Variants in OR5K1 observed in about 807,000 individuals in gnomAD.
OR5K1 encodes olfactory receptor 5K1.
Under a neutral mutation model 10.4 loss-of-function variants are expected in OR5K1, and 7 were observed. The observed-to-expected ratio is 0.67, with a 90% CI of 0.38 to 1.26. The LOEUF is 1.26. Ranked by LOEUF, OR5K1 falls within the 50% of genes most tolerant of loss-of-function variation. The probability of loss-of-function intolerance (pLI) is 0.02; values close to 1 mark genes in which losing one functional copy is unlikely to be tolerated. For synonymous variants in OR5K1, 135 were observed against 128.5 expected (o/e 1.05, Z -0.34); for missense variants, 435 against 366.2 (o/e 1.19, Z -1.53).
At chr3:98,464,583 G>A (rs1347005881) in intron 1 of OR5K1, among the ~76,000 whole-genome samples, 1 of 152,142 alleles carries the variant, frequency 6.6e-6, no homozygotes, top group Non-Finnish European at 1.5e-5. Context: ...AATGCTCCCC[G>A]ATAGGTAAGA....
chr3:98,470,018 G>T lies in OR5K1; in HGVS notation c.442G>T (p.Ala148Ser). 1 of 1,613,650 alleles carries T rather than the reference G, an allele frequency of 6.2e-7. No homozygotes were observed. The highest frequency in any genetic ancestry group is 8.5e-7 in the Non-Finnish European group (1 of 1,179,770). Residue 148 changes from alanine to serine, a missense_variant, in exon 2 of 2, where the codon GCC (alanine) becomes TCC (serine). By Grantham distance (99) the Ala-to-Ser change is moderately conservative. Transcript: ENST00000642057. Reference sequence around the variant, plus strand: ...ACTCTGCATTCAGATGACCACAGGGGCCTTCATAGCTGGAAACCTGCATTC... The same window carrying T: ...ACTCTGCATTCAGATGACCACAGGGTCCTTCATAGCTGGAAACCTGCATTC... ...KKLCIQMTTG[A>S]FIAGNLHSMI...
chr3:98,469,323 A>T (rs1277494767), intron 1 of OR5K1, among the ~76,000 whole-genome samples: 1 of 152,094 alleles, frequency 6.6e-6, no homozygotes, highest in African/African-American at 2.4e-5. Flanking sequence ...AAAAACTACT[A>T]TTAGGTACTA....
rs1705421686 is a variant in OR5K1, at chr3:98,469,908, A to G, written c.332A>G (p.Asp111Gly). Residue 111 changes from aspartate to glycine, a missense_variant, in exon 2 of 2, where the codon GAC (aspartate) becomes GGC (glycine). Coordinates refer to ENST00000642057, the MANE Select transcript of OR5K1 (RefSeq NM_001004736.4). The part of the protein sequence containing the change: ...FYFLCTVETA[D>G]CFLLAAMAYD... ...TTTCTTTGCACTGTGGAAACTGCAGACTGCTTTCTTCTGGCAGCAATGGCC... is the reference window on the plus strand; with the variant it reads ...TTTCTTTGCACTGTGGAAACTGCAGGCTGCTTTCTTCTGGCAGCAATGGCC... 6.2e-7 allele frequency: 1 copy of G among 1,613,632 alleles called. No homozygotes were observed. The highest frequency in any genetic ancestry group is 1.3e-5 in the African/African-American group (1 of 74,890).
At chr3:98,465,740 T>G (rs9855693) in intron 1 of OR5K1, among the ~76,000 whole-genome samples, 3 of 151,746 alleles carry the variant, frequency 2.0e-5, no homozygotes, top group African/African-American at 7.2e-5. Context: ...TTTTCTGTTC[T>G]GCCATTGACC....
Position 98,470,337 on chromosome 3 carries a change from C to G in OR5K1, c.761C>G (p.Ser254Cys). The change falls in exon 2 of 2, where the codon TCT (serine) becomes TGT (cysteine). Residue 254 changes from serine to cysteine, a missense_variant. Ser to Cys is a moderately radical substitution (Grantham distance 112). Coordinates refer to ENST00000642057, the MANE Select transcript of OR5K1 (RefSeq NM_001004736.4). ...HFLSVSLFYG[S>C]LFFMYVRPNL... ...TTGTCAGTTTCATTATTCTATGGAT[C>G]TCTTTTCTTCATGTACGTTAGACCA... 6.2e-7 allele frequency: 1 copy of G among 1,613,282 alleles called. No individual in the cohort carries two copies. The highest frequency in any genetic ancestry group is 1.1e-5 in the South Asian group (1 of 91,048).
chr3:98,469,745 A>C lies in OR5K1; in HGVS notation c.169A>C (p.Thr57Pro), dbSNP rs755481151. 2.0e-5 allele frequency: 33 copies of C among 1,613,680 alleles called. No individual in the cohort carries two copies. The highest frequency in any genetic ancestry group is 4.0e-5 in the African/African-American group (3 of 74,898). ...ALIFTHRRLH[T>P]PMYIFLGNLA... ...GATATTTACACACCGTCGGCTTCAC[A>C]CACCAATGTACATCTTTCTGGGAAA... Residue 57 changes from threonine (T) to proline (P), a missense_variant, in exon 2 of 2, where the codon ACA becomes CCA. Thr to Pro is a conservative substitution (Grantham distance 38). Transcript: ENST00000642057.
At chr3:98,464,404 A>G (rs1349027198) in intron 1 of OR5K1, among the ~76,000 whole-genome samples, 1 of 152,228 alleles carries the variant, frequency 6.6e-6, no homozygotes, top group East Asian at 1.9e-4. Context: ...ACTTCGGAGT[A>G]TAGTTGTGGT....
chr3:98,470,247 C>A lies in OR5K1; in HGVS notation c.671C>A (p.Thr224Asn). 3.7e-6 allele frequency: 6 copies of A among 1,613,196 alleles called. No homozygotes were observed. The highest frequency in any genetic ancestry group is 4.2e-6 in the Non-Finnish European group (5 of 1,179,486). Residue 224 changes from threonine (T) to asparagine (N), a missense_variant, in exon 2 of 2, where the codon ACT (threonine) becomes AAT (asparagine). Coordinates refer to ENST00000642057, the MANE Select transcript of OR5K1 (RefSeq NM_001004736.4). ...ATATCTTATCTCTATATTCTTCTTA[C>A]TATTTTCAAAATGAAATCCAAAGAG... ...VLISYLYILLTIFKMKSKEGR... is the reference protein window; with the variant it reads ...VLISYLYILLNIFKMKSKEGR...
chr3:98,465,250 T>C (rs985931278), intron 1 of OR5K1, among the ~76,000 whole-genome samples: 1 of 152,196 alleles, frequency 6.6e-6, no homozygotes, highest in African/African-American at 2.4e-5. Context: ...TATTTTGTTT[T>C]TTACATAACG....
chr3:98,469,537 T>G (rs867046916), intron 1 of OR5K1, 29 bp from the exon 2 acceptor site: 1 of 1,574,622 alleles, frequency 6.4e-7, no homozygotes, highest in Non-Finnish European at 8.6e-7. Flanking sequence ...TATAAATTAG[T>G]GCCTTCTTTC....
At position 98,469,781 on chromosome 3, in the gene OR5K1, G is replaced by A. The variant is rs369639528; in HGVS notation, c.205G>A (p.Val69Met). The A allele has an allele frequency of 6.2e-7, 1 of 1,613,740 alleles. No homozygotes were observed. Among genetic ancestry groups the A allele is most frequent in the Non-Finnish European group, 8.5e-7 (1 of 1,179,776 alleles). ...CATCTTTCTGGGAAATCTGGCTCTTGTGGATTCTTGCTGTGCCTGTGCTAT... is the reference window on the plus strand; with the variant it reads ...CATCTTTCTGGGAAATCTGGCTCTTATGGATTCTTGCTGTGCCTGTGCTAT... ...MYIFLGNLAL[V>M]DSCCACAITP... Residue 69 changes from valine to methionine, a missense_variant, in exon 2 of 2, where the codon GTG becomes ATG. Physicochemically the swap from Val to Met is conservative, Grantham distance 21. Transcript: ENST00000642057.
rs372640322 is a variant in OR5K1, at chr3:98,470,035, C to A, written c.459C>A (p.Asn153Lys). ...QMTTGAFIAG[N>K]LHSMIHVGLV... ...CCACAGGGGCCTTCATAGCTGGAAA[C>A]CTGCATTCCATGATTCATGTAGGGC... Residue 153 changes from asparagine (N) to lysine (K), a missense_variant, in exon 2 of 2, where the codon AAC (asparagine) becomes AAA (lysine). By Grantham distance (94) the Asn-to-Lys change is moderately conservative. Coordinates refer to ENST00000642057, the MANE Select transcript of OR5K1 (RefSeq NM_001004736.4). The A allele has an allele frequency of 1.3e-5, 21 of 1,613,606 alleles. No homozygotes were observed. The highest frequency in any genetic ancestry group is 1.8e-5 in the Non-Finnish European group (21 of 1,179,736).
At position 98,472,421 on chromosome 3, in the gene OR5K1, A is replaced by T. The variant is rs1417158892; in HGVS notation, c.*1918A>T. The stretch of plus-strand genomic sequence containing the variant: ...TGAAGGTCCCTTTTGCACATAGGTC[A>T]CCAAACCTCCCTGAGCAATTGTCAC... On this transcript the variant is annotated 3_prime_UTR_variant, in exon 2 of 2. Coordinates refer to ENST00000642057, the MANE Select transcript of OR5K1 (RefSeq NM_001004736.4). 2 of 151,902 alleles carry T rather than the reference A, an allele frequency of 1.3e-5. No homozygotes were observed. The highest frequency in any genetic ancestry group is 6.6e-5 in the Admixed American group (1 of 15,212). 9.4% of individuals were successfully genotyped at this position (151,902 alleles called of 1,614,324 possible).
chr3:98,466,721 C>A (rs1041732390), intron 1 of OR5K1, among the ~76,000 whole-genome samples: 19 of 126,872 alleles, frequency 1.5e-4, no homozygotes, highest in African/African-American at 5.8e-4. Flanking sequence ...CTGTTCATGT[C>A]CTTCGCCCAC....
intron 1 of OR5K1, among the ~76,000 whole-genome samples, chr3:98,468,028 G>A (rs1360102389): frequency 6.6e-6 from 1 of 152,074 alleles, no homozygotes; most frequent in Non-Finnish European, 1.5e-5. Flanking sequence ...TTGAATTTTT[G>A]ATAGCATTTA....
intron 1 of OR5K1, among the ~76,000 whole-genome samples, chr3:98,464,267 T>C (rs191967199): frequency 1.2e-3 from 183 of 151,996 alleles, no homozygotes; most frequent in African/African-American, 4.2e-3. Context: ...AAAAATAAAC[T>C]TTAAAAAAAT....
At chr3:98,465,441 A>C (rs1460436198) in intron 1 of OR5K1, among the ~76,000 whole-genome samples, 2 of 152,138 alleles carry the variant, frequency 1.3e-5, no homozygotes, top group Non-Finnish European at 2.9e-5. Context: ...AATGGACATC[A>C]TTTTATGTCA....
At chr3:98,468,016 T>A (rs949607170) in intron 1 of OR5K1, among the ~76,000 whole-genome samples, 4 of 152,156 alleles carry the variant, frequency 2.6e-5, no homozygotes, top group African/African-American at 7.2e-5. Flanking sequence ...TTAACCTTTT[T>A]CTTGAATTTT....
chr3:98,464,115 CA>C (rs1180641318), intron 1 of OR5K1, among the ~76,000 whole-genome samples: 1 of 151,662 alleles, frequency 6.6e-6, no homozygotes, highest in Non-Finnish European at 1.5e-5. Flanking sequence ...AATAAATAGC[CA>C]AGCAGGTGGC....
Sources: gnomAD v4.1 joint callset for allele counts (sites outside exome capture counted in the v4.1 genomes callset) on GRCh38, gnomAD v4.1.1 for gene constraint, MANE v1.5 for transcripts, NCBI Gene and HGNC (gene_info 2026-07-23, HGNC 2026-07-21) for gene names.